CYP3A4: variants seen among roughly 807,000 people sequenced by gnomAD.
The protein encoded by CYP3A4 is cytochrome P450 family 3 subfamily A member 4, also known as cytochrome P450 3A4.
CYP3A4 carries 41 observed loss-of-function variants against 54.9 expected under a neutral mutation model. The observed-to-expected ratio is 0.75, with a 90% CI of 0.58 to 0.97. CYP3A4 has a LOEUF of 0.97. Among genes scored for constraint, CYP3A4 ranks in the 50% least tolerant of loss-of-function variants. The pLI, the probability that CYP3A4 is intolerant of heterozygous loss-of-function variation, is 0.00. For synonymous variants in CYP3A4, 179 were observed against 205.2 expected, an observed-to-expected ratio of 0.87 and a Z score of 1.09; for missense variants, 510 against 597.3, an observed-to-expected ratio of 0.85 and a Z score of 1.52.
rs189283382 is a variant in CYP3A4, at chr7:99,768,637, T to C, written c.522-135A>G. The C allele has an allele frequency of 2.6e-6, 4 of 1,528,096 alleles. No individual in the cohort carries two copies. In the Admixed American group the frequency reaches 7.1e-5, roughly 27 times the overall value. The allele number at this position is 1,528,096 out of a possible 1,614,324, so 94.7% of individuals were successfully genotyped here. ...GACTTTCAGATCTACTAGATCACCT[T>C]CTATCACACTCCATCAGAAGGTGTT... is the stretch of plus-strand genomic sequence containing the variant. On this transcript the variant is annotated intron_variant, in intron 6 of 12. Coordinates refer to ENST00000651514, the MANE Select transcript of CYP3A4 (RefSeq NM_017460.6).
chr7:99,762,402 T>C, intron 10 of CYP3A4, 135 bp from the exon 11 acceptor site: 1 of 1,246,172 alleles, frequency 8.0e-7, no homozygotes, highest in South Asian at 1.4e-5. Context: ...ATTTATAAAG[T>C]GTTTTAATAA....
In CYP3A4 at chr7:99,760,801, T is replaced by C. The variant is rs751370192; in HGVS notation, c.1416+18A>G. Reference sequence around the variant, plus strand: ...AGAATTATTAATACAACATTATTTTTATAGAAAATTGACTAACCTGTGTTT... The same window carrying C: ...AGAATTATTAATACAACATTATTTTCATAGAAAATTGACTAACCTGTGTTT... On this transcript the variant is annotated intron_variant, in intron 12 of 12. Transcript: ENST00000651514. 31 of 1,612,364 alleles carry C rather than the reference T, an allele frequency of 1.9e-5. 1 individual carries two copies. The South Asian group carries it at 3.4e-4, about 18-fold the overall frequency.
intron 4 of CYP3A4, among the ~76,000 whole-genome samples, chr7:99,771,152 A>G (rs1815624980): frequency 6.6e-6 from 1 of 151,896 alleles, no homozygotes; most frequent in East Asian, 1.9e-4. Flanking sequence ...AAAGGCATAC[A>G]GATTGGAAAG....
At chr7:99,778,982 A>G (rs1385477942) in intron 2 of CYP3A4, among the ~76,000 whole-genome samples, 1 of 152,146 alleles carries the variant, frequency 6.6e-6, no homozygotes, top group Non-Finnish European at 1.5e-5. Context: ...AGCCTCAGGT[A>G]TGTGGGAAAG....
intron 1 of CYP3A4, among the ~76,000 whole-genome samples, chr7:99,783,727 G>T (rs1393881878): frequency 6.7e-6 from 1 of 148,658 alleles, no homozygotes; most frequent in African/African-American, 2.5e-5. Context: ...TCCTGCCTCA[G>T]CCTCCCAAGT....
intron 10 of CYP3A4, 148 bp from the exon 11 acceptor site, chr7:99,762,415 G>T: frequency 1.7e-6 from 2 of 1,162,720 alleles, no homozygotes; most frequent in South Asian, 3.0e-5. Context: ...TTTAATAACT[G>T]TCATGCCCAT....
intron 6 of CYP3A4, among the ~76,000 whole-genome samples, chr7:99,769,308 T>C (rs1177474731): frequency 2.0e-5 from 3 of 152,158 alleles, no homozygotes; most frequent in Non-Finnish European, 4.4e-5. Flanking sequence ...GTAGGAATTT[T>C]AATATTTAGT....
intron 3 of CYP3A4, among the ~76,000 whole-genome samples, chr7:99,777,411 A>C (rs1815797665): frequency 6.6e-6 from 1 of 152,106 alleles, no homozygotes; most frequent in East Asian, 1.9e-4. Context: ...CCTTGGTAGG[A>C]CAACCTTCGA....
In CYP3A4 at chr7:99,772,704, CAG is replaced by C. The variant is rs1563043555; in HGVS notation, c.219-17_219-16del. The C allele has an allele frequency of 2.5e-6, 4 of 1,612,390 alleles. No homozygotes were observed. Among genetic ancestry groups the C allele is most frequent in the Non-Finnish European group, 3.4e-6 (4 of 1,178,884 alleles). ...CATCATAAAAGCTGTGTGAAAAAAA[CAG>C]AGTTGATTAAACATCAACAGCCTTA... is the stretch of plus-strand genomic sequence containing the variant. On this transcript the variant is annotated splice_polypyrimidine_tract_variant and intron_variant, in intron 3 of 12. Transcript: ENST00000651514.
intron 3 of CYP3A4, among the ~76,000 whole-genome samples, chr7:99,773,930 A>G (rs910788722): frequency 1.3e-5 from 2 of 152,200 alleles, no homozygotes; most frequent in Non-Finnish European, 2.9e-5. Context: ...AAAAAGGTCA[A>G]CAAAATAGAT....
chr7:99,767,959 A>AG (rs1815517094), intron 7 of CYP3A4, among the ~76,000 whole-genome samples: 1 of 152,214 alleles, frequency 6.6e-6, no homozygotes, highest in African/African-American at 2.4e-5. Flanking sequence ...TAAACGAAGA[A>AG]GGGCAAACTA....
At chr7:99,782,727 T>C (rs1413295510) in intron 1 of CYP3A4, among the ~76,000 whole-genome samples, 7 of 152,232 alleles carry the variant, frequency 4.6e-5, no homozygotes, top group Admixed American at 4.6e-4. Context: ...TTTGCTGTCA[T>C]CACTGGCTCA....
At chr7:99,783,418 C>G (rs1223597635) in intron 1 of CYP3A4, among the ~76,000 whole-genome samples, 1 of 152,080 alleles carries the variant, frequency 6.6e-6, no homozygotes, top group Non-Finnish European at 1.5e-5. Context: ...ACTTTCCTTC[C>G]TTATCCTCCT....
chr7:99,764,899 A>C (rs1270304656), intron 9 of CYP3A4, among the ~76,000 whole-genome samples: 1 of 152,234 alleles, frequency 6.6e-6, no homozygotes, highest in Admixed American at 6.5e-5. Context: ...TCCTGAGAGA[A>C]GCTCAGGATG....
At chr7:99,782,819 C>A (rs935309916) in intron 1 of CYP3A4, among the ~76,000 whole-genome samples, 5 of 151,980 alleles carry the variant, frequency 3.3e-5, no homozygotes, top group Non-Finnish European at 5.9e-5. Context: ...TTAAAATGAA[C>A]GTTGGGAAGG....
At chr7:99,783,966 C>G in intron 1 of CYP3A4, 45 bp downstream of exon 1, 2 of 1,591,928 alleles carry the variant, frequency 1.3e-6, no homozygotes, top group Non-Finnish European at 1.7e-6. Context: ...GATTAGCACC[C>G]CAAGTCCAAG....
At chr7:99,774,428 T>A (rs1243773914) in intron 3 of CYP3A4, among the ~76,000 whole-genome samples, 1 of 152,148 alleles carries the variant, frequency 6.6e-6, no homozygotes, top group Admixed American at 6.5e-5. Context: ...AGAATATCGA[T>A]GCGAAAATCC....
rs561141197 is a variant in CYP3A4 at position 99,781,061 on chromosome 7, A to G, written c.72-976T>C. ...GATTGGATCCTAGGGGCAGTTTCTCATCGTTTCACACCATCCCGCCTTAGG... is the reference window on the plus strand; with the variant it reads ...GATTGGATCCTAGGGGCAGTTTCTCGTCGTTTCACACCATCCCGCCTTAGG... On this transcript the variant is annotated intron_variant, in intron 1 of 12. Transcript: ENST00000651514. 5.9e-5 allele frequency among the ~76,000 whole-genome samples: 9 copies of G among 152,102 alleles called. No homozygotes were observed. In the South Asian group the frequency reaches 1.9e-3, roughly 32 times the overall value.
Position 99,778,037 on chromosome 7 carries a change from T to C in CYP3A4, c.209A>G (p.Lys70Arg). 1 of 1,613,004 alleles carries C rather than the reference T, an allele frequency of 6.2e-7. No individual in the cohort carries two copies. The highest frequency in any genetic ancestry group is 8.5e-7 in the Non-Finnish European group (1 of 1,179,186). ...TTTCCAGAATACTCACCCCCACACT[T>C]TTCCATACTTTTTATGACATTCCAT... is the stretch of plus-strand genomic sequence containing the variant. ...FDMECHKKYG[K>R]VWGFYDGQQP... Residue 70 changes from lysine (K) to arginine (R), a missense_variant, in exon 3 of 13, where the codon AAA becomes AGA. Physicochemically the swap from Lys to Arg is conservative, Grantham distance 26. Coordinates refer to ENST00000651514, the MANE Select transcript of CYP3A4 (RefSeq NM_017460.6).
Sources: allele counts gnomAD v4.1 joint callset (sites outside exome capture counted in the v4.1 genomes callset), GRCh38; gene constraint gnomAD v4.1.1; transcripts MANE v1.5; gene names NCBI Gene and HGNC (gene_info 2026-07-23, HGNC 2026-07-21).